The following KANK1 variants were observed in gnomAD, a reference collection of about 807,000 sequenced individuals.
KANK1 encodes the protein KN motif and ankyrin repeat domain-containing protein 1.
In KANK1, 109 loss-of-function variants were observed where a neutral mutation model predicts 106.2. That is an observed-to-expected ratio of 1.03 (90% CI 0.88 to 1.20). KANK1 has a LOEUF of 1.20. Ranked by LOEUF, KANK1 falls within the 50% of genes most tolerant of loss-of-function variation. The pLI, the probability that KANK1 is intolerant of heterozygous loss-of-function variation, is 0.00. For missense variants in KANK1, 2,399 were observed against 1,710.7 expected (o/e 1.40, Z -7.10); for synonymous variants, 873 against 652.2 (o/e 1.34, Z -5.16).
intron 2 of KANK1, among the ~76,000 whole-genome samples, chr9:695,315 A>G (rs144532810): frequency 5.6e-4 from 86 of 152,232 alleles, no homozygotes; most frequent in Middle Eastern, 6.8e-3. Flanking sequence ...CTTTGCCCTC[A>G]TGTTGTGAGA....
At chr9:653,065 A>G (rs1446763940) in intron 1 of KANK1, among the ~76,000 whole-genome samples, 1 of 152,194 alleles carries the variant, frequency 6.6e-6, no homozygotes, top group African/African-American at 2.4e-5. Context: ...ACTCATACAC[A>G]GCATCCCATA....
chr9:654,821 GA>G (rs1841751442), intron 1 of KANK1, among the ~76,000 whole-genome samples: 1 of 24,924 alleles, frequency 4.0e-5, no homozygotes, highest in Non-Finnish European at 1.3e-4. Flanking sequence ...GTGTGAGAGA[GA>G]GAGAGAGAGA....
intron 3 of KANK1, among the ~76,000 whole-genome samples, chr9:493,566 T>TC (rs1292636279): frequency 6.7e-6 from 1 of 149,628 alleles, no homozygotes; most frequent in African/African-American, 2.5e-5. Flanking sequence ...TTTTTTTTTT[T>TC]TTTTTTGGAG....
Position 676,955 on chromosome 9 carries a change from C to T in KANK1, c.-18C>T, listed in dbSNP as rs1816535524. The T allele has an allele frequency of 6.2e-7, 1 of 1,612,264 alleles. No individual in the cohort carries two copies. The highest frequency in any genetic ancestry group is 8.5e-7 in the Non-Finnish European group (1 of 1,178,696). On this transcript the variant is annotated 5_prime_UTR_variant, in exon 2 of 12. Coordinates refer to ENST00000382297, the MANE Select transcript of KANK1 (RefSeq NM_015158.5). The stretch of plus-strand genomic sequence containing the variant: ...ACTCCTCACTCCTTTCTGGATCTCT[C>T]ATTGGACTCAAGCCAGCATGGCTCA...
intron 1 of KANK1, among the ~76,000 whole-genome samples, chr9:611,002 G>T (rs1830425474): frequency 1.3e-5 from 2 of 152,146 alleles, no homozygotes; most frequent in African/African-American, 4.8e-5. Flanking sequence ...CTTTGTCTCT[G>T]ACAGAAGGCA....
intron 1 of KANK1, among the ~76,000 whole-genome samples, chr9:622,868 C>G (rs533986075): frequency 2.0e-5 from 3 of 151,992 alleles, no homozygotes; most frequent in Non-Finnish European, 2.9e-5. Flanking sequence ...TGCCATTGCA[C>G]TCCAGCCTGG....
At chr9:688,801 G>A (rs1413342299) in intron 2 of KANK1, among the ~76,000 whole-genome samples, 1 of 152,070 alleles carries the variant, frequency 6.6e-6, no homozygotes, top group Non-Finnish European at 1.5e-5. Flanking sequence ...GGGAGGAGGT[G>A]GTACTCCAGT....
intron 1 of KANK1, among the ~76,000 whole-genome samples, chr9:613,616 T>C (rs1333476966): frequency 6.6e-6 from 1 of 152,186 alleles, no homozygotes; most frequent in Non-Finnish European, 1.5e-5. Context: ...GTATTCATTT[T>C]TGAAATTTTG....
At chr9:733,621 C>T (rs1484921962) in intron 6 of KANK1, 1 of 152,016 alleles carries the variant, frequency 6.6e-6, no homozygotes, top group Admixed American at 6.5e-5. Flanking sequence ...CTCATCCCTA[C>T]AAAAATATCA....
intron 1 of KANK1, among the ~76,000 whole-genome samples, chr9:617,865 A>T (rs1832215025): frequency 6.6e-6 from 1 of 152,222 alleles, no homozygotes; most frequent in Admixed American, 6.5e-5. Context: ...GTGAAAAAGA[A>T]AGCACGTATT....
chr9:495,242 C>T (rs1056433951), intron 3 of KANK1: 1 of 152,234 alleles, frequency 6.6e-6, no homozygotes, highest in Non-Finnish European at 1.5e-5. Flanking sequence ...TTTCAGCATT[C>T]TCCTCCCCTC....
intron 1 of KANK1, among the ~76,000 whole-genome samples, chr9:593,459 C>G (rs72689660): frequency 0.034 from 5,082 of 148,646 alleles, 176 homozygotes; most frequent in Admixed American, 0.082. Context: ...ATTCCCCCCC[C>G]CCATATACTT....
intron 1 of KANK1, among the ~76,000 whole-genome samples, chr9:575,897 C>T (rs917616538): frequency 8.5e-5 from 13 of 152,126 alleles, no homozygotes; most frequent in African/African-American, 2.9e-4. Flanking sequence ...GTGGTGTATG[C>T]CTATAATCCC....
At chr9:532,577 C>T (rs1264647760) in intron 1 of KANK1, among the ~76,000 whole-genome samples, 1 of 151,818 alleles carries the variant, frequency 6.6e-6, no homozygotes, top group Non-Finnish European at 1.5e-5. Context: ...ATTCTACGTT[C>T]TAACTGTTTT....
chr9:674,669 G>A (rs149585448), intron 1 of KANK1, among the ~76,000 whole-genome samples: 1 of 152,102 alleles, frequency 6.6e-6, no homozygotes, highest in African/African-American at 2.4e-5. Context: ...TCTTTTCCCT[G>A]AGGGTTTTAA....
At chr9:692,558 A>G (rs1157388108) in intron 2 of KANK1, among the ~76,000 whole-genome samples, 1 of 150,432 alleles carries the variant, frequency 6.6e-6, no homozygotes, top group Non-Finnish European at 1.5e-5. Flanking sequence ...CATACCATAG[A>G]ATTCACCCAT....
chr9:682,575 C>T (rs1464997267), intron 2 of KANK1, among the ~76,000 whole-genome samples: 1 of 152,062 alleles, frequency 6.6e-6, no homozygotes, highest in Admixed American at 6.5e-5. Flanking sequence ...TTGAAGTATT[C>T]TTTTTTTGTT....
At position 581,519 on chromosome 9, in the gene KANK1, A is replaced by AT. The variant is rs1822153628; in HGVS notation, c.-84+76767dup. Among the ~76,000 whole-genome samples, 3 of 49,152 alleles carry AT rather than the reference A, an allele frequency of 6.1e-5. No homozygotes were observed. The South Asian group carries it at 1.8e-3, about 29-fold the overall frequency. 32.2% of individuals were successfully genotyped at this position (49,152 alleles called of 152,430 possible). Reference sequence around the variant, plus strand: ...ATACATAGGTTACTAGCTATGAACCATTCTTCATTAGTGCACTTGCTTGGT... The same window carrying AT: ...ATACATAGGTTACTAGCTATGAACCATTTCTTCATTAGTGCACTTGCTTGGT... On this transcript the variant is annotated intron_variant, in intron 1 of 11. Coordinates refer to ENST00000382297, the MANE Select transcript of KANK1 (RefSeq NM_015158.5).
intron 1 of KANK1, among the ~76,000 whole-genome samples, chr9:576,647 A>G (rs1004980605): frequency 6.6e-6 from 1 of 152,148 alleles, no homozygotes; most frequent in African/African-American, 2.4e-5. Flanking sequence ...ACATTTCCTC[A>G]TGGGGCATGC....
Sources: gnomAD v4.1 joint callset for allele counts (sites outside exome capture counted in the v4.1 genomes callset) on GRCh38, gnomAD v4.1.1 for gene constraint, MANE v1.5 for transcripts, NCBI Gene and HGNC (gene_info 2026-07-23, HGNC 2026-07-21) for gene names.